TSPEAR: variants seen among roughly 807,000 people sequenced by gnomAD.
TSPEAR encodes the protein thrombospondin type laminin G domain and EAR repeats, also known as thrombospondin-type laminin G domain and EAR repeat-containing protein.
In TSPEAR, 69 loss-of-function variants were observed where a neutral mutation model predicts 71.6. The observed-to-expected ratio is 0.96, with a 90% CI of 0.79 to 1.18. The LOEUF (loss-of-function observed/expected upper bound fraction) is 1.18. Ranked by LOEUF, TSPEAR falls within the 50% of genes most tolerant of loss-of-function variation. The pLI is 0.00. For missense variants in TSPEAR, 971 were observed against 894.9 expected (o/e 1.09, Z -1.09); for synonymous variants, 402 against 387.2 (o/e 1.04, Z -0.45).
intron 9 of TSPEAR, among the ~76,000 whole-genome samples, chr21:44,513,226 T>C (rs1187653390): frequency 6.6e-6 from 1 of 152,188 alleles, no homozygotes; most frequent in Non-Finnish European, 1.5e-5. Flanking sequence ...CCCTCCTCCC[T>C]ATGCCAGGCT....
chr21:44,668,133 A>T (rs1985884337), intron 1 of TSPEAR, among the ~76,000 whole-genome samples: 1 of 152,252 alleles, frequency 6.6e-6, no homozygotes. Context: ...TTCACAGATG[A>T]CATGATTTTT....
At chr21:44,692,105 C>T (rs1378863471) in intron 1 of TSPEAR, among the ~76,000 whole-genome samples, 2 of 152,074 alleles carry the variant, frequency 1.3e-5, no homozygotes, top group African/African-American at 4.8e-5. Flanking sequence ...AGTGAAAAAA[C>T]CCACATGATC....
chr21:44,524,610 T>C (rs1369576067), intron 8 of TSPEAR, among the ~76,000 whole-genome samples: 2 of 150,926 alleles, frequency 1.3e-5, no homozygotes, highest in Non-Finnish European at 3.0e-5. Context: ...CAGTTAGTCA[T>C]GTAATCAGTC....
intron 1 of TSPEAR, among the ~76,000 whole-genome samples, chr21:44,588,551 A>G (rs1209335542): frequency 3.3e-5 from 5 of 151,968 alleles, no homozygotes; most frequent in African/African-American, 1.2e-4. Context: ...AAAAGACGTC[A>G]TTATACAAAA....
In TSPEAR at chr21:44,655,708, C is replaced by T. The variant is rs376499923; in HGVS notation, c.82+55725G>A. Among the ~76,000 whole-genome samples the T allele has an allele frequency of 7.3e-4, 111 of 152,300 alleles. No homozygotes were observed. In the East Asian group the frequency reaches 0.015, roughly 20 times the overall value. ...GCAGCGGGCAGGAGTGTGGATGACA[C>T]GCTCCTCCTCACACTCCAGCTCTGT... On this transcript the variant is annotated intron_variant, in intron 1 of 11. Coordinates refer to ENST00000323084, the MANE Select transcript of TSPEAR (RefSeq NM_144991.3).
chr21:44,680,972 T>A (rs1986556472), intron 1 of TSPEAR, among the ~76,000 whole-genome samples: 1 of 152,172 alleles, frequency 6.6e-6, no homozygotes, highest in Non-Finnish European at 1.5e-5. Flanking sequence ...CAGTTAACAA[T>A]GTATTGTATG....
At chr21:44,597,437 CTTT>C (rs56129761) in intron 1 of TSPEAR, among the ~76,000 whole-genome samples, 6 of 119,190 alleles carry the variant, frequency 5.0e-5, no homozygotes, top group Non-Finnish European at 5.2e-5. Context: ...TCTTTCTTTT[CTTT>C]TTTTTTTTTT....
intron 1 of TSPEAR, chr21:44,682,304 G>T (rs374530277): frequency 1.4e-6 from 1 of 725,860 alleles, no homozygotes. Context: ...CGTAGATGAT[G>T]TTTTTTATCT....
chr21:44,533,650 G>T (rs781987995), intron 3 of TSPEAR, 35 bp downstream of exon 3: 2 of 1,543,460 alleles, frequency 1.3e-6, no homozygotes, highest in East Asian at 2.3e-5. Flanking sequence ...GGACTCTGAG[G>T]ACTGCAGGTG....
At position 44,584,249 on chromosome 21, in the gene TSPEAR, C is replaced by T. The variant is rs114665061; in HGVS notation, c.83-16244G>A. ...AGTGTGTGCAGGTTCATCCATGTTGCCACTAATGACAGGATCTCCCTCCTT... is the reference window on the plus strand; with the variant it reads ...AGTGTGTGCAGGTTCATCCATGTTGTCACTAATGACAGGATCTCCCTCCTT... On this transcript the variant is annotated intron_variant, in intron 1 of 11. Transcript: ENST00000323084. Among the ~76,000 whole-genome samples the T allele has an allele frequency of 8.1e-3, 1,226 of 152,228 alleles. 14 individuals carry two copies. The highest frequency in any genetic ancestry group is 0.028 in the African/African-American group (1,160 of 41,544).
intron 1 of TSPEAR, among the ~76,000 whole-genome samples, chr21:44,648,412 C>T (rs1379868001): frequency 1.3e-5 from 2 of 152,162 alleles, no homozygotes; most frequent in African/African-American, 2.4e-5. Context: ...GAATTTAAAC[C>T]CACGTGGACT....
In TSPEAR at chr21:44,499,768, C is replaced by A; in HGVS notation, c.*15G>T. ...CCCACCTGGCCACCCCAGTTGCTGC[C>A]GGGCAGCCGCGGCCTCAGCGTGTCC... is the stretch of plus-strand genomic sequence containing the variant. On this transcript the variant is annotated 3_prime_UTR_variant, in exon 12 of 12. Coordinates refer to ENST00000323084, the MANE Select transcript of TSPEAR (RefSeq NM_144991.3). 6.5e-7 allele frequency: 1 copy of A among 1,547,018 alleles called. No homozygotes were observed. The highest frequency in any genetic ancestry group is 1.2e-5 in the South Asian group (1 of 83,948).
At chr21:44,654,156 G>A in intron 1 of TSPEAR, 1 of 757,806 alleles carries the variant, frequency 1.3e-6, no homozygotes, top group East Asian at 2.6e-5. Flanking sequence ...AAAGGAGGCA[G>A]GCGGTCTAGT....
intron 1 of TSPEAR, chr21:44,580,375 G>T (rs1555924889): frequency 1.9e-6 from 3 of 1,613,530 alleles, no homozygotes; most frequent in Middle Eastern, 3.5e-4. Flanking sequence ...AGGGCGTGCA[G>T]GAGCTGGTGC....
intron 1 of TSPEAR, among the ~76,000 whole-genome samples, chr21:44,606,917 A>T (rs1981353001): frequency 6.6e-6 from 1 of 152,222 alleles, no homozygotes; most frequent in African/African-American, 2.4e-5. Flanking sequence ...CAACCTTTCC[A>T]TCACACTGGA....
chr21:44,552,345 C>T lies in TSPEAR; in HGVS notation c.303+15440G>A, dbSNP rs587739616. On this transcript the variant is annotated intron_variant, in intron 2 of 11. Transcript: ENST00000323084. ...CAGGGACCGTCACAGGTGAGCTCCT[C>T]TGTCTTGGGGCCTGAGCCCAGCATG... is the stretch of plus-strand genomic sequence containing the variant. 6.4e-4 allele frequency among the ~76,000 whole-genome samples: 97 copies of T among 152,306 alleles called. 1 individual carries two copies. The highest frequency in any genetic ancestry group is 2.2e-3 in the African/African-American group (92 of 41,570).
At chr21:44,629,288 G>A (rs1569229063) in intron 1 of TSPEAR, among the ~76,000 whole-genome samples, 1 of 152,200 alleles carries the variant, frequency 6.6e-6, no homozygotes, top group Non-Finnish European at 1.5e-5. Flanking sequence ...AAAGTCCACG[G>A]ACTGGGGGCT....
chr21:44,557,880 G>A (rs2053559358), intron 2 of TSPEAR: 4 of 772,824 alleles, frequency 5.2e-6, no homozygotes, highest in Admixed American at 5.8e-5. Context: ...ATGGAGATGA[G>A]GGTGTGGGAG....
intron 9 of TSPEAR, among the ~76,000 whole-genome samples, chr21:44,513,489 T>TGCTGG (rs1215143085): frequency 2.6e-5 from 4 of 152,228 alleles, no homozygotes; most frequent in Non-Finnish European, 5.9e-5. Flanking sequence ...ACCAGGCACC[T>TGCTGG]GCTGGGCTGG....
Sources: allele counts gnomAD v4.1 joint callset (sites outside exome capture counted in the v4.1 genomes callset), GRCh38; gene constraint gnomAD v4.1.1; transcripts MANE v1.5; gene names NCBI Gene and HGNC (gene_info 2026-07-23, HGNC 2026-07-21).